SETD1B: variants seen among roughly 807,000 people sequenced by gnomAD.
The protein encoded by SETD1B is histone-lysine N-methyltransferase SETD1B.
In SETD1B, 7 loss-of-function variants were observed where a neutral mutation model predicts 148.0. The ratio of observed to expected loss-of-function variants is 0.05; its 90% CI spans 0.03 to 0.09. The LOEUF is 0.09. Ranked by LOEUF, SETD1B falls within the 10% of genes least tolerant of loss-of-function variation. The pLI is 1.00. For synonymous variants in SETD1B, 1,361 were observed against 1,186.5 expected, an observed-to-expected ratio of 1.15 and a Z score of -3.02; for missense variants, 2,155 against 2,729.9, an observed-to-expected ratio of 0.79 and a Z score of 4.69.
At chr12:121,823,803 C>G in intron 12 of SETD1B, 54 bp downstream of exon 12, 1 of 1,491,620 alleles carries the variant, frequency 6.7e-7, no homozygotes, top group Non-Finnish European at 8.9e-7. Context: ...GAAGTCCCTG[C>G]TCACCTCTCT....
At chr12:121,800,885 G>A (rs1242716163), upstream of SETD1B, 3 of 151,810 alleles carry the variant, frequency 2.0e-5, no homozygotes, top group Non-Finnish European at 4.4e-5. Flanking sequence ...GGCTCCCCAC[G>A]ACCGGGGGGA....
Position 121,814,156 on chromosome 12 carries a change from C to T in SETD1B, c.1941C>T (p.Pro647=). Residue 647 remains proline (P), a synonymous_variant, in exon 7 of 17, where the codon CCC becomes CCT. Coordinates refer to ENST00000604567, the MANE Select transcript of SETD1B (RefSeq NM_001353345.2). ...TGGAGATCTCGGATGACGAGATGCC[C>T]TCGGCCCCCATCACCAGCGCTGACT... ...EDMEISDDEM[P]SAPITSADCP... The T allele has an allele frequency of 6.5e-7, 1 of 1,548,624 alleles. No individual in the cohort carries two copies.
At position 121,814,468 on chromosome 12, in the gene SETD1B, C is replaced by T. The variant is rs1876191737; in HGVS notation, c.2253C>T (p.Gly751=). 3.4e-6 allele frequency: 5 copies of T among 1,454,428 alleles called. No individual in the cohort carries two copies. The highest frequency in any genetic ancestry group is 4.5e-6 in the Non-Finnish European group (5 of 1,100,204). The allele number at this position is 1,454,428 out of a possible 1,614,324, so 90.1% of individuals were successfully genotyped here. A position where few individuals can be genotyped will look rare whatever the true frequency, so the allele number is the denominator to read the frequency against. The change falls in exon 7 of 17, where the codon GGC becomes GGT. Residue 751 remains glycine (G), a synonymous_variant. Coordinates refer to ENST00000604567, the MANE Select transcript of SETD1B (RefSeq NM_001353345.2). ...CACCACTGCCCCCCTTTCCGCCGGG[C>T]CTGTTCCCTGTGATGCAGGTGGACA... ...ILPPLPPFPP[G]LFPVMQVDMS...
chr12:121,807,477 G>GAA (rs1308405813), intron 4 of SETD1B, among the ~76,000 whole-genome samples: 1 of 147,232 alleles, frequency 6.8e-6, no homozygotes, highest in Non-Finnish European at 1.5e-5. Flanking sequence ...GAAAAGAAAA[G>GAA]AAAAAAAACA....
the SETD1B span, among the ~76,000 whole-genome samples, chr12:121,792,994 G>A: frequency 6.6e-6 from 1 of 152,246 alleles, no homozygotes; most frequent in African/African-American, 2.4e-5. Flanking sequence ...GGCCTCTAGG[G>A]CCCCGCAGCC....
chr12:121,810,344 C>A lies in SETD1B; in HGVS notation c.1399C>A (p.Arg467=). The A allele has an allele frequency of 6.5e-7, 1 of 1,546,262 alleles. No homozygotes were observed. Among genetic ancestry groups the A allele is most frequent in the Non-Finnish European group, 8.7e-7 (1 of 1,146,718 alleles). ...PDTNSMELGG[R]PTFGWSPEPC... is the part of the protein sequence containing the mutation. ...CACCAACAGCATGGAGCTGGGCGGC[C>A]GGCCCACCTTCGGCTGGAGTCCTGA... The change falls in exon 6 of 17, where the codon CGG becomes AGG. Residue 467 remains arginine, a synonymous_variant. Coordinates refer to ENST00000604567, the MANE Select transcript of SETD1B (RefSeq NM_001353345.2). This position sits in a 1 kb window ranked among gnomAD's most constrained non-coding sequence, Gnocchi z 7.6.
rs768569077 is a variant in SETD1B at position 121,822,740 on chromosome 12, C to T, written c.4161C>T (p.Pro1387=). 12 of 1,516,630 alleles carry T rather than the reference C, an allele frequency of 7.9e-6. No individual in the cohort carries two copies. The South Asian group carries it at 1.1e-4, about 14-fold the overall frequency. 93.9% of individuals were successfully genotyped at this position (1,516,630 alleles called of 1,614,324 possible). ...TGCCAGCCACACCAGGCGGGGAGCC[C>T]CCGCTATCAGGGGGCAGCAGTGGCC... The part of the protein sequence containing the change: ...ETVPATPGGE[P]PLSGGSSGLS... The change falls in exon 12 of 17, where the codon CCC becomes CCT. Residue 1387 remains proline (P), a synonymous_variant. Transcript: ENST00000604567.
At chr12:121,797,822 G>A in the SETD1B span, 1 of 347,332 alleles carries the variant, frequency 2.9e-6, no homozygotes, top group Non-Finnish European at 5.7e-6. Flanking sequence ...AGGGAGTATA[G>A]AAGGAGGAGG....
chr12:121,814,030 A>T (rs1876160768), intron 6 of SETD1B, 76 bp from the exon 7 acceptor site: 1 of 1,191,746 alleles, frequency 8.4e-7, no homozygotes, highest in Non-Finnish European at 1.2e-6. Flanking sequence ...ACTGATTGCT[A>T]GTCTTGCAGA....
Position 121,805,223 on chromosome 12 carries a change from C to T in SETD1B, c.273+7C>T, listed in dbSNP as rs1402199143. 10 of 1,547,156 alleles carry T rather than the reference C, an allele frequency of 6.5e-6. No individual in the cohort carries two copies. The highest frequency in any genetic ancestry group is 3.9e-5 in the Admixed American group (2 of 50,986). On this transcript the variant is annotated splice_region_variant and intron_variant, in intron 3 of 16. Transcript: ENST00000604567. This position sits in a 1 kb window ranked among gnomAD's most constrained non-coding sequence, Gnocchi z 4.2. ...GTCGGTGCCCAAATTCAAGGTAGGA[C>T]CCCTCCCCACTGCCCCGCCGTCCCT...
At chr12:121,794,975 G>T in the SETD1B span, among the ~76,000 whole-genome samples, 2 of 152,188 alleles carry the variant, frequency 1.3e-5, no homozygotes, top group African/African-American at 4.8e-5. Flanking sequence ...ACCCCACCCC[G>T]AAGACTCCCA....
chr12:121,827,146 C>T (rs1876879595), intron 13 of SETD1B, among the ~76,000 whole-genome samples: 1 of 151,916 alleles, frequency 6.6e-6, no homozygotes, highest in Non-Finnish European at 1.5e-5. Flanking sequence ...GGCAGAGGCC[C>T]AGGGAGGCCA....
In SETD1B at chr12:121,805,975, C is replaced by T. The variant is rs1009941640; in HGVS notation, c.414C>T (p.Pro138=). 2 of 1,551,512 alleles carry T rather than the reference C, an allele frequency of 1.3e-6. No homozygotes were observed. Among genetic ancestry groups the T allele is most frequent in the African/African-American group, 2.7e-5 (2 of 73,004 alleles). Residue 138 remains proline, a synonymous_variant, in exon 4 of 17, where the codon CCC becomes CCT. Transcript: ENST00000604567. The surrounding 1 kb of genome is among the most constrained non-coding windows in gnomAD (Gnocchi z 4.2). ...EVEEVEILYN[P]KTKKHLGIAK... ...AGGAGGTGGAGATTTTGTACAACCC[C>T]AAGACCAAGAAGCACCTGGGCATCG...
intron 4 of SETD1B, among the ~76,000 whole-genome samples, chr12:121,807,316 G>A (rs1200933952): frequency 1.3e-5 from 2 of 151,850 alleles, no homozygotes; most frequent in African/African-American, 2.4e-5. Context: ...GGGTTGGGGG[G>A]GCAGTGAGGA....
Position 121,809,860 on chromosome 12 carries a change from A to C in SETD1B, c.915A>C (p.Ala305=), listed in dbSNP as rs1240094668. 1 of 1,551,284 alleles carries C rather than the reference A, an allele frequency of 6.4e-7. No homozygotes were observed. The highest frequency in any genetic ancestry group is 1.4e-5 in the African/African-American group (1 of 73,046). Reference sequence around the variant, plus strand: ...CATACCTCTTCAGCCAGGACCCTGCAGTGACCTTCAAGGCCCGGCGCCACG... The same window carrying C: ...CATACCTCTTCAGCCAGGACCCTGCCGTGACCTTCAAGGCCCGGCGCCACG... ...TPSYLFSQDP[A]VTFKARRHES... is the part of the protein sequence containing the mutation. Residue 305 remains alanine, a synonymous_variant, in exon 6 of 17, where the codon GCA becomes GCC. Transcript: ENST00000604567.
chr12:121,825,426 G>A (rs1460328355), intron 13 of SETD1B, 60 bp downstream of exon 13: 1 of 1,486,738 alleles, frequency 6.7e-7, no homozygotes, highest in Admixed American at 2.1e-5. Flanking sequence ...GGGATCCAGG[G>A]CACTCATGGA....
At chr12:121,818,885 G>A (rs746340681) in intron 10 of SETD1B, among the ~76,000 whole-genome samples, 3 of 133,922 alleles carry the variant, frequency 2.2e-5, no homozygotes, top group Non-Finnish European at 4.7e-5. Flanking sequence ...GCGAGACTCC[G>A]TCTCAAAAAA....
chr12:121,803,401 C>T (rs1461704463), upstream of SETD1B: 1 of 152,352 alleles, frequency 6.6e-6, no homozygotes, highest in Non-Finnish European at 1.5e-5. The surrounding 1 kb of genome is among the most constrained non-coding windows in gnomAD (Gnocchi z 4.7). Context: ...CGTCTATCGC[C>T]CAGGTCCAGG....
In SETD1B at chr12:121,810,264, C is replaced by T. The variant is rs1023205888; in HGVS notation, c.1319C>T (p.Ala440Val). 2.6e-5 allele frequency: 40 copies of T among 1,545,184 alleles called. No individual in the cohort carries two copies. Among genetic ancestry groups the T allele is most frequent in the Non-Finnish European group, 3.4e-5 (39 of 1,146,790 alleles). ...CCGGCGCCCCCACCCCTGCCACCTGCTGAGCCTCTGGCCAAGGAGAAGCCA... is the reference window on the plus strand; with the variant it reads ...CCGGCGCCCCCACCCCTGCCACCTGTTGAGCCTCTGGCCAAGGAGAAGCCA... ...RAPAPPPLPP[A>V]EPLAKEKPGT... Residue 440 changes from alanine (A) to valine (V), a missense_variant, in exon 6 of 17, where the codon GCT becomes GTT. Physicochemically the swap from Ala to Val is moderately conservative, Grantham distance 64 (BLOSUM62 0). Transcript: ENST00000604567. This position sits in a 1 kb window ranked among gnomAD's most constrained non-coding sequence, Gnocchi z 7.6.
Sources: gnomAD v4.1 joint callset for allele counts (sites outside exome capture counted in the v4.1 genomes callset) on GRCh38, gnomAD v4.1.1 for gene constraint, Gnocchi (gnomAD v3.1) non-coding constraint, MANE v1.5 for transcripts, NCBI Gene and HGNC (gene_info 2026-07-23, HGNC 2026-07-21) for gene names.